SCML2: variants seen among roughly 807,000 people sequenced by gnomAD.
The protein encoded by SCML2 is sex comb on midleg-like protein 2.
SCML2 carries 6 observed loss-of-function variants against 48.4 expected under a neutral mutation model. The observed-to-expected ratio is 0.12, with a 90% CI of 0.07 to 0.24. The LOEUF (loss-of-function observed/expected upper bound fraction) is 0.24. Ranked by LOEUF, SCML2 falls within the 10% of genes least tolerant of loss-of-function variation. The pLI is 1.00. For synonymous variants in SCML2, 181 were observed against 189.5 expected, an observed-to-expected ratio of 0.95 and a Z score of 0.37; for missense variants, 377 against 528.2, an observed-to-expected ratio of 0.71 and a Z score of 2.81.
chrX:18,308,927 G>A, intron 6 of SCML2, among the ~76,000 whole-genome samples: 1 of 111,394 alleles, frequency 9.0e-6, no homozygotes. Context: ...ACAATGAGAT[G>A]GCCTGGTGCA....
chrX:18,283,214 T>C (rs1214702033), intron 7 of SCML2, among the ~76,000 whole-genome samples: 1 of 111,968 alleles, frequency 8.9e-6, no homozygotes, highest in African/African-American at 3.2e-5. Context: ...ATCATCTCAA[T>C]AGGTGCAGAA....
chrX:18,246,923 T>G, intron 12 of SCML2, 95 bp from the exon 13 acceptor site: 1 of 925,474 alleles, frequency 1.1e-6, no homozygotes, highest in Non-Finnish European at 1.5e-6. Flanking sequence ...AATAGTTCAC[T>G]TAACTTGTGC....
chrX:18,269,121 C>T (rs1364414263), intron 7 of SCML2, among the ~76,000 whole-genome samples: 2 of 111,950 alleles, frequency 1.8e-5, no homozygotes, highest in African/African-American at 6.5e-5. Context: ...TTTCTTCCCC[C>T]AAACATATTT....
At chrX:18,245,018 G>C (rs1926392613) in intron 13 of SCML2, among the ~76,000 whole-genome samples, 1 of 111,705 alleles carries the variant, frequency 9.0e-6, no homozygotes, top group African/African-American at 3.3e-5. Context: ...TGAGCTCAAG[G>C]ACTGGCCCAG....
At position 18,270,440 on chromosome X, in the gene SCML2, C is replaced by T. The variant is rs766737758; in HGVS notation, c.731-4638G>A. On this transcript the variant is annotated intron_variant, in intron 7 of 14. Coordinates refer to ENST00000251900, the MANE Select transcript of SCML2 (RefSeq NM_006089.3). ...TGTTTGAGACAAGGTTTCACTCTGT[C>T]GTCCAGTGCCGACATGCAGGAGTGA... is the stretch of plus-strand genomic sequence containing the variant. Among the ~76,000 whole-genome samples the T allele has an allele frequency of 1.4e-4, 16 of 111,148 alleles. No homozygotes were observed. The South Asian group carries it at 5.4e-3, about 37-fold the overall frequency.
intron 1 of SCML2, among the ~76,000 whole-genome samples, chrX:18,336,313 C>G (rs1929810250): frequency 1.8e-5 from 2 of 108,248 alleles, no homozygotes; most frequent in South Asian, 8.4e-4. Flanking sequence ...GTGGCATGCA[C>G]CTGTAGTCCC....
intron 11 of SCML2, among the ~76,000 whole-genome samples, chrX:18,249,371 GA>G (rs1406577663): frequency 9.0e-6 from 1 of 111,405 alleles, no homozygotes; most frequent in East Asian, 2.8e-4. Flanking sequence ...ATAATCGCTG[GA>G]GGGGGCACAA....
intron 1 of SCML2, among the ~76,000 whole-genome samples, chrX:18,346,210 ATC>A (rs763556934): frequency 0.01 from 1,124 of 110,026 alleles, 6 homozygotes; most frequent in Middle Eastern, 0.019. Flanking sequence ...CACCTCCAAT[ATC>A]TCTCTCTTTC....
At chrX:18,294,747 T>C (rs916138379) in intron 7 of SCML2, among the ~76,000 whole-genome samples, 2 of 110,946 alleles carry the variant, frequency 1.8e-5, no homozygotes, top group African/African-American at 3.3e-5. Context: ...CACAGTGTCC[T>C]GCACCCTGGG....
intron 7 of SCML2, among the ~76,000 whole-genome samples, chrX:18,283,749 A>G (rs1927946203): frequency 8.9e-6 from 1 of 112,075 alleles, no homozygotes; most frequent in African/African-American, 3.2e-5. Flanking sequence ...AGATTTCTAC[A>G]AGAAGAACTA....
intron 13 of SCML2, among the ~76,000 whole-genome samples, chrX:18,243,193 C>T (rs896239556): frequency 1.8e-5 from 2 of 111,288 alleles, no homozygotes; most frequent in Non-Finnish European, 3.8e-5. Flanking sequence ...CCCACCTTGC[C>T]TCCCAAGTAG....
At chrX:18,314,910 G>A (rs1929068879) in intron 6 of SCML2, among the ~76,000 whole-genome samples, 2 of 109,667 alleles carry the variant, frequency 1.8e-5, no homozygotes, top group Admixed American at 9.8e-5. Flanking sequence ...CCAACATGGC[G>A]AAACCCCGTC....
chrX:18,305,226 ATT>A lies in SCML2; in HGVS notation c.487-13_487-12del. 1.7e-6 allele frequency: 2 copies of A among 1,166,901 alleles called. No individual in the cohort carries two copies. The highest frequency in any genetic ancestry group is 1.8e-5 in the African/African-American group (1 of 54,967). On this transcript the variant is annotated splice_polypyrimidine_tract_variant and intron_variant, in intron 6 of 14. Transcript: ENST00000251900. Reference sequence around the variant, plus strand: ...GGGCTTTGGTGGTTCCTATCAAAACATTAAAAAAAAAAAAGATTTCATTGTTA... The same window carrying A: ...GGGCTTTGGTGGTTCCTATCAAAACAAAAAAAAAAAAAGATTTCATTGTTA...
intron 1 of SCML2, among the ~76,000 whole-genome samples, chrX:18,351,366 T>C (rs1728698835): frequency 9.0e-6 from 1 of 111,326 alleles, no homozygotes; most frequent in African/African-American, 3.3e-5. Context: ...AGGTATTATG[T>C]AGTAATTCTC....
At chrX:18,277,108 T>C (rs1004254104) in intron 7 of SCML2, among the ~76,000 whole-genome samples, 1 of 111,525 alleles carries the variant, frequency 9.0e-6, no homozygotes, top group African/African-American at 3.3e-5. Context: ...TCTCACTCTG[T>C]CACCCAGGCT....
chrX:18,315,046 G>A (rs1267342177), intron 6 of SCML2, among the ~76,000 whole-genome samples: 1 of 92,170 alleles, frequency 1.1e-5, no homozygotes, highest in Non-Finnish European at 2.1e-5. Flanking sequence ...CGGCAGTGAA[G>A]TGAAATTGTA....
At chrX:18,242,716 A>G (rs1380800792) in intron 13 of SCML2, 126 bp from the exon 14 acceptor site, 1 of 688,739 alleles carries the variant, frequency 1.5e-6, no homozygotes, top group Non-Finnish European at 2.1e-6. Flanking sequence ...ACAAGGTCTC[A>G]AGACTCCAAC....
chrX:18,345,862 G>GAC (rs1352638669), intron 1 of SCML2, among the ~76,000 whole-genome samples: 6 of 102,138 alleles, frequency 5.9e-5, no homozygotes, highest in East Asian at 3.1e-4. Context: ...CCCTACCCCC[G>GAC]ACACACACAC....
At chrX:18,303,137 G>A (rs1928647018) in intron 7 of SCML2, among the ~76,000 whole-genome samples, 1 of 110,917 alleles carries the variant, frequency 9.0e-6, no homozygotes. Context: ...GCAGAAAGAA[G>A]GAAAAGGAAA....
Sources: allele counts gnomAD v4.1 joint callset (sites outside exome capture counted in the v4.1 genomes callset), GRCh38; gene constraint gnomAD v4.1.1; transcripts MANE v1.5; gene names NCBI Gene and HGNC (gene_info 2026-07-23, HGNC 2026-07-21).